Variants in LUZP2 observed in about 807,000 individuals in gnomAD.
The protein encoded by LUZP2 is leucine zipper protein 2.
Under a neutral mutation model 51.6 loss-of-function variants are expected in LUZP2, and 52 were observed. That is an observed-to-expected ratio of 1.01 (90% CI 0.81 to 1.27). LUZP2 has a LOEUF of 1.27. LUZP2 is among the 50% of genes most tolerant of loss of function. LUZP2 has a pLI of 0.00. For missense variants in LUZP2, 436 were observed against 395.4 expected, an observed-to-expected ratio of 1.10 and a Z score of -0.87; for synonymous variants, 154 against 137.3, an observed-to-expected ratio of 1.12 and a Z score of -0.85.
rs1209500084 is a variant in LUZP2, at chr11:24,984,524, T to TTATATATATATATATATATATATATA, written c.765+1232_765+1257dup. ...TGTTTTTATATGTAAATTACATATTTTATATATATATATATATATATATAT... is the reference window on the plus strand; with the variant it reads ...TGTTTTTATATGTAAATTACATATTTTATATATATATATATATATATATATATATATATATATATATATATATATAT... On this transcript the variant is annotated intron_variant, in intron 9 of 11. Transcript: ENST00000336930. Among the ~76,000 whole-genome samples, 5 of 90,044 alleles carry TTATATATATATATATATATATATATA rather than the reference T, an allele frequency of 5.6e-5. 1 individual carries two copies. The East Asian group carries it at 1.5e-3, about 27-fold the overall frequency. 59.1% of individuals were successfully genotyped at this position (90,044 alleles called of 152,430 possible). A position where few individuals can be genotyped will look rare whatever the true frequency, so the allele number is the denominator to read the frequency against.
intron 10 of LUZP2, among the ~76,000 whole-genome samples, chr11:25,053,096 A>C (rs1236472263): frequency 6.6e-6 from 1 of 152,172 alleles, no homozygotes; most frequent in South Asian, 2.1e-4. Flanking sequence ...ACCTGAATCT[A>C]GGCAATCACA....
At chr11:24,959,652 C>G (rs1855332074) in intron 7 of LUZP2, among the ~76,000 whole-genome samples, 1 of 152,126 alleles carries the variant, frequency 6.6e-6, no homozygotes, top group Admixed American at 6.5e-5. Flanking sequence ...AGATTTTGGG[C>G]TGAGACAGTG....
chr11:24,774,259 T>C (rs1848837612), intron 5 of LUZP2, among the ~76,000 whole-genome samples: 1 of 146,028 alleles, frequency 6.8e-6, no homozygotes, highest in Non-Finnish European at 1.5e-5. Context: ...GACTCTTTGC[T>C]CCTCAGCCTG....
At chr11:24,910,717 A>G (rs1398819796) in intron 6 of LUZP2, among the ~76,000 whole-genome samples, 2 of 152,210 alleles carry the variant, frequency 1.3e-5, no homozygotes, top group East Asian at 3.9e-4. Context: ...CGGAAGCCAC[A>G]TGGATAACCT....
At chr11:24,901,306 G>A (rs1016302127) in intron 5 of LUZP2, among the ~76,000 whole-genome samples, 20 of 151,666 alleles carry the variant, frequency 1.3e-4, no homozygotes, top group African/African-American at 4.6e-4. Context: ...ATATTTCAAT[G>A]TACAAAGGAG....
intron 1 of LUZP2, among the ~76,000 whole-genome samples, chr11:24,577,418 TTC>T (rs1467271240): frequency 6.6e-6 from 1 of 152,160 alleles, no homozygotes. Flanking sequence ...AGCAAATGCA[TTC>T]TGTGTTACTC....
chr11:24,916,006 A>AT (rs1382078870), intron 7 of LUZP2, among the ~76,000 whole-genome samples: 5 of 151,588 alleles, frequency 3.3e-5, no homozygotes, highest in Admixed American at 6.6e-5. Flanking sequence ...TTATTTATTT[A>AT]TTTTTTTTAG....
At chr11:24,851,312 T>A (rs1474374129) in intron 5 of LUZP2, among the ~76,000 whole-genome samples, 2 of 151,898 alleles carry the variant, frequency 1.3e-5, no homozygotes, top group East Asian at 3.9e-4. Context: ...ATTGAGAGTT[T>A]TTAGCATTGA....
At position 24,751,622 on chromosome 11, in the gene LUZP2, A is replaced by G. The variant is rs1034544337; in HGVS notation, c.334-11624A>G. 5.1e-6 allele frequency: 5 copies of G among 978,268 alleles called. No homozygotes were observed. The African/African-American group carries it at 7.0e-5, about 14-fold the overall frequency. 60.6% of individuals were successfully genotyped at this position (978,268 alleles called of 1,614,324 possible). The stretch of plus-strand genomic sequence containing the variant: ...GCATTCTATGCTTTCAAAGTTTTCT[A>G]TCCTGGGTTTTTCATTTTCTCCCCA... On this transcript the variant is annotated intron_variant, in intron 4 of 11. Transcript: ENST00000336930.
At chr11:25,044,229 A>G (rs1326652353) in intron 9 of LUZP2, among the ~76,000 whole-genome samples, 1 of 57,746 alleles carries the variant, frequency 1.7e-5, no homozygotes. Context: ...ATGTGTGTGT[A>G]TGTGTATGTG....
intron 9 of LUZP2, among the ~76,000 whole-genome samples, chr11:25,013,407 G>T (rs971501239): frequency 1.3e-5 from 2 of 152,084 alleles, no homozygotes; most frequent in Admixed American, 1.3e-4. Context: ...AATTTCACAT[G>T]TACCTTTATA....
At chr11:24,741,855 A>T in intron 4 of LUZP2, among the ~76,000 whole-genome samples, 1 of 140,146 alleles carries the variant, frequency 7.1e-6, no homozygotes, top group East Asian at 2.0e-4. Context: ...AAATATAAAT[A>T]TATAAATGTA....
At chr11:24,638,985 AAG>A (rs1285122124) in intron 1 of LUZP2, among the ~76,000 whole-genome samples, 4 of 151,858 alleles carry the variant, frequency 2.6e-5, no homozygotes, top group Middle Eastern at 3.4e-3. Flanking sequence ...CACAAGGAAA[AAG>A]AGAGAAAATG....
At chr11:24,715,271 G>T (rs1857995274) in intron 1 of LUZP2, among the ~76,000 whole-genome samples, 1 of 105,430 alleles carries the variant, frequency 9.5e-6, no homozygotes, top group Non-Finnish European at 2.2e-5. Flanking sequence ...CTATGTGTGT[G>T]TGTGTGTGTG....
At chr11:24,949,133 G>GA (rs1854996231) in intron 7 of LUZP2, among the ~76,000 whole-genome samples, 1 of 151,464 alleles carries the variant, frequency 6.6e-6, no homozygotes, top group Non-Finnish European at 1.5e-5. Context: ...GAAATGGCAG[G>GA]AAAAAACATA....
chr11:24,588,033 G>A (rs566284864), intron 1 of LUZP2, among the ~76,000 whole-genome samples: 41 of 152,072 alleles, frequency 2.7e-4, no homozygotes, highest in African/African-American at 9.6e-4. Flanking sequence ...CTTGAGTATG[G>A]GAAGATAGAA....
intron 1 of LUZP2, among the ~76,000 whole-genome samples, chr11:24,568,813 T>C (rs114632792): frequency 0.014 from 2,177 of 152,166 alleles, 44 homozygotes; most frequent in South Asian, 0.059. Context: ...GATTTGAAAG[T>C]TGTTAATTTT....
At chr11:24,951,152 T>G (rs12274359) in intron 7 of LUZP2, among the ~76,000 whole-genome samples, 70,534 of 151,268 alleles carry the variant, frequency 0.47, 16,745 homozygotes, top group East Asian at 0.74. Context: ...TGCGAGAATA[T>G]ACTTAATTAC....
At chr11:24,562,624 C>T (rs375695601) in intron 1 of LUZP2, among the ~76,000 whole-genome samples, 7 of 150,498 alleles carry the variant, frequency 4.7e-5, no homozygotes, top group Admixed American at 2.0e-4. Context: ...GAGGCTGAGG[C>T]GAGCAGATCA....
Sources: allele counts gnomAD v4.1 joint callset (sites outside exome capture counted in the v4.1 genomes callset), GRCh38; gene constraint gnomAD v4.1.1; transcripts MANE v1.5; gene names NCBI Gene and HGNC (gene_info 2026-07-23, HGNC 2026-07-21).